The following CUZD1 variants were observed in gnomAD, a reference collection of about 807,000 sequenced individuals.
The protein encoded by CUZD1 is CUB and zona pellucida like domains 1.
CUZD1 carries 42 observed loss-of-function variants against 53.1 expected under a neutral mutation model. The observed-to-expected ratio is 0.79, with a 90% CI of 0.62 to 1.02. CUZD1 has a LOEUF of 1.02. CUZD1 is among the 50% of genes least tolerant of loss of function. The pLI is 0.00. For missense variants in CUZD1, 670 were observed against 715.7 expected, an observed-to-expected ratio of 0.94 and a Z score of 0.73; for synonymous variants, 238 against 257.2, an observed-to-expected ratio of 0.93 and a Z score of 0.71.
In CUZD1 at chr10:122,833,828, T is replaced by C; in HGVS notation, c.1495A>G (p.Lys499Glu). ...TCACTGCTATCACATATCAAAACTTTACACTGCAGATACACAGAGCTCATA... is the reference window on the plus strand; with the variant it reads ...TCACTGCTATCACATATCAAAACTTCACACTGCAGATACACAGAGCTCATA... ...RSMSSVYLQC[K>E]VLICDSSDHQ... Residue 499 changes from lysine (K) to glutamate (E), a missense_variant, in exon 8 of 9, where the codon AAA becomes GAA. Transcript: ENST00000392790. 6.2e-7 allele frequency: 1 copy of C among 1,614,134 alleles called. No homozygotes were observed. The highest frequency in any genetic ancestry group is 8.5e-7 in the Non-Finnish European group (1 of 1,179,982).
chr10:122,843,810 C>CATATATATATATATATATATAT lies in CUZD1; in HGVS notation c.82+1930_82+1951dup, dbSNP rs61634361. Among the ~76,000 whole-genome samples, 290 of 137,252 alleles carry CATATATATATATATATATATAT rather than the reference C, an allele frequency of 2.1e-3. 2 individuals carry two copies. The highest frequency in any genetic ancestry group is 7.7e-3 in the African/African-American group (279 of 36,156). 90.0% of individuals were successfully genotyped at this position (137,252 alleles called of 152,430 possible). ...CTTTCTTCATACATATATATACATA[C>CATATATATATATATATATATAT]ATATATATATATATATATATATGTC... On this transcript the variant is annotated intron_variant, in intron 1 of 8. Coordinates refer to ENST00000392790, the MANE Select transcript of CUZD1 (RefSeq NM_022034.6).
Position 122,845,748 on chromosome 10 carries a change from T to G in CUZD1, c.82+14A>C, listed in dbSNP as rs780156008. On this transcript the variant is annotated intron_variant, in intron 1 of 8. Coordinates refer to ENST00000392790, the MANE Select transcript of CUZD1 (RefSeq NM_022034.6). ...TCTCTGTTTTGGTGAATAAATCTGG[T>G]TCAATTTTCTTACCTTCAGCCTCCG... The G allele has an allele frequency of 2.5e-5, 41 of 1,611,524 alleles. No homozygotes were observed. The African/African-American group carries it at 4.4e-4, about 17-fold the overall frequency.
chr10:122,839,412 C>T (rs989785285), intron 2 of CUZD1, among the ~76,000 whole-genome samples, 181 bp from the exon 3 acceptor site: 12 of 152,208 alleles, frequency 7.9e-5, no homozygotes, highest in Non-Finnish European at 1.5e-4. Flanking sequence ...AAACTGTCAA[C>T]TTTAATGGGC....
At chr10:122,839,732 C>A (rs577148811) in intron 2 of CUZD1, among the ~76,000 whole-genome samples, 2 of 152,304 alleles carry the variant, frequency 1.3e-5, no homozygotes, top group East Asian at 3.9e-4. Context: ...CAGTCCCATG[C>A]CCTGCACTGG....
At chr10:122,837,701 C>A in intron 3 of CUZD1, 147 bp from the exon 4 acceptor site, 3 of 730,278 alleles carry the variant, frequency 4.1e-6, no homozygotes, top group Non-Finnish European at 6.2e-6. Context: ...GGTTTTCATC[C>A]TTTTTTATCA....
At chr10:122,845,683 CTT>C (rs979698721) in intron 1 of CUZD1, 77 bp downstream of exon 1, 4 of 1,252,756 alleles carry the variant, frequency 3.2e-6, no homozygotes, top group African/African-American at 1.5e-5. Flanking sequence ...GATATAAACA[CTT>C]TGAAAAATTT....
In CUZD1 at chr10:122,834,793, T is replaced by A; in HGVS notation, c.1295A>T (p.Asp432Val). Residue 432 changes from aspartate (D) to valine (V), a missense_variant, in exon 7 of 9, where the codon GAT (aspartate) becomes GTT (valine). Transcript: ENST00000392790. ...LFVQVSLHTS[D>V]PNLVVFLDTC... is the part of the protein sequence containing the mutation. ...ATCAAGAAACACCACCAAATTTGGA[T>A]CTGAGGTGTGCAGACTAACTTGAAC... is the stretch of plus-strand genomic sequence containing the variant. 6.2e-7 allele frequency: 1 copy of A among 1,613,848 alleles called. No homozygotes were observed. Among genetic ancestry groups the A allele is most frequent in the South Asian group, 1.1e-5 (1 of 91,058 alleles).
chr10:122,841,072 A>T, intron 2 of CUZD1, 106 bp downstream of exon 2: 1 of 1,062,462 alleles, frequency 9.4e-7, no homozygotes, highest in Non-Finnish European at 1.4e-6. Flanking sequence ...CAGTGTCACT[A>T]CCACCTCTAG....
chr10:122,838,327 G>C (rs920345731), intron 3 of CUZD1, among the ~76,000 whole-genome samples: 2 of 152,166 alleles, frequency 1.3e-5, no homozygotes, highest in African/African-American at 2.4e-5. Context: ...AGAGTGACAT[G>C]GTCAGCTCTG....
Position 122,836,824 on chromosome 10 carries a change from G to T in CUZD1, c.817+7C>A. 1.3e-6 allele frequency: 2 copies of T among 1,596,332 alleles called. No individual in the cohort carries two copies. Among genetic ancestry groups the T allele is most frequent in the South Asian group, 2.2e-5 (2 of 90,570 alleles). ...CAAAATAGCTAAGAATATAAAACAT[G>T]ACTTACTAGTGTTGATGTTTTCTGC... On this transcript the variant is annotated splice_region_variant and intron_variant, in intron 5 of 8. Coordinates refer to ENST00000392790, the MANE Select transcript of CUZD1 (RefSeq NM_022034.6).
intron 1 of CUZD1, among the ~76,000 whole-genome samples, chr10:122,843,840 C>T (rs1447124057): frequency 7.1e-6 from 1 of 141,220 alleles, no homozygotes; most frequent in East Asian, 2.0e-4. Flanking sequence ...TATGTCCACA[C>T]AGAAACTTGT....
chr10:122,833,136 T>A (rs1443851014), intron 8 of CUZD1, among the ~76,000 whole-genome samples: 1 of 152,220 alleles, frequency 6.6e-6, no homozygotes, highest in Non-Finnish European at 1.5e-5. Flanking sequence ...AGCCATTTAA[T>A]TATGAACCTT....
rs375126098 is a variant in CUZD1, at chr10:122,843,518, C to A, written c.83-2190G>T. On this transcript the variant is annotated intron_variant, in intron 1 of 8. Transcript: ENST00000392790. ...AGTTTGTACATGTTCTGTAACCAAC[C>A]CTTATTTTTTCAAATGTTTTCAATT... Among the ~76,000 whole-genome samples the A allele has an allele frequency of 2.6e-5, 4 of 152,050 alleles. No individual in the cohort carries two copies. In the East Asian group the frequency reaches 5.8e-4, roughly 22 times the overall value.
chr10:122,844,025 T>C (rs576410334), intron 1 of CUZD1, among the ~76,000 whole-genome samples: 102 of 148,588 alleles, frequency 6.9e-4, no homozygotes, highest in Non-Finnish European at 1.4e-3. Flanking sequence ...TATATAAATA[T>C]ATATATATAT....
At chr10:122,842,362 T>G (rs928574823) in intron 1 of CUZD1, among the ~76,000 whole-genome samples, 5 of 152,242 alleles carry the variant, frequency 3.3e-5, no homozygotes, top group Non-Finnish European at 7.3e-5. Context: ...CCAAGACCAT[T>G]TGATGAAAAG....
At chr10:122,839,331 T>A in intron 2 of CUZD1, 100 bp from the exon 3 acceptor site, 1 of 1,003,640 alleles carries the variant, frequency 1.0e-6, no homozygotes, top group Non-Finnish European at 1.5e-6. Context: ...TACAAAGTGG[T>A]GGCACATCTG....
At chr10:122,835,972 C>G (rs1048339299) in intron 6 of CUZD1, among the ~76,000 whole-genome samples, 1 of 152,100 alleles carries the variant, frequency 6.6e-6, no homozygotes, top group East Asian at 1.9e-4. Flanking sequence ...AACTATCCCC[C>G]ACTTATCCTG....
At chr10:122,840,430 C>G (rs1033392051) in intron 2 of CUZD1, among the ~76,000 whole-genome samples, 1 of 152,166 alleles carries the variant, frequency 6.6e-6, no homozygotes, top group Non-Finnish European at 1.5e-5. Flanking sequence ...GAGGGGGGCT[C>G]TGGAGCCAGG....
Position 122,833,684 on chromosome 10 carries a change from T to C in CUZD1, c.1639A>G (p.Ser547Gly). Residue 547 changes from serine (S) to glycine (G), a missense_variant, in exon 8 of 9, where the codon AGT becomes GGT. By Grantham distance (56) the Ser-to-Gly change is moderately conservative (BLOSUM62 0). Coordinates refer to ENST00000392790, the MANE Select transcript of CUZD1 (RefSeq NM_022034.6). ...PIRLKRDRSA[S>G]GNSGFQHETH... ...GCTTTTTTCTTACCTGAATTGCCAC[T>C]TGCACTTCGATCCCTTTTCAGACGA... 1.9e-6 allele frequency: 3 copies of C among 1,613,220 alleles called. No individual in the cohort carries two copies. Among genetic ancestry groups the C allele is most frequent in the Non-Finnish European group, 2.5e-6 (3 of 1,179,428 alleles).
Sources: gnomAD v4.1 joint callset for allele counts (sites outside exome capture counted in the v4.1 genomes callset) on GRCh38, gnomAD v4.1.1 for gene constraint, MANE v1.5 for transcripts, NCBI Gene and HGNC (gene_info 2026-07-23, HGNC 2026-07-21) for gene names.